Variants in ROBO2 observed in about 807,000 individuals in gnomAD.
The protein encoded by ROBO2 is roundabout homolog 2.
Under a neutral mutation model 160.8 loss-of-function variants are expected in ROBO2, and 53 were observed. The observed-to-expected ratio is 0.33, with a 90% CI of 0.26 to 0.41. The LOEUF is 0.41. Among genes scored for constraint, ROBO2 ranks in the 10% least tolerant of loss-of-function variants. ROBO2 has a pLI of 1.00. For synonymous variants in ROBO2, 664 were observed against 611.7 expected (o/e 1.09, Z -1.26); for missense variants, 1,577 against 1,722.4 (o/e 0.92, Z 1.49).
At chr3:77,648,218 TA>T (rs2095425612) in exon 26 of ROBO2, 2 of 152,194 alleles carry the variant, frequency 1.3e-5, no homozygotes, top group Admixed American at 1.3e-4. Flanking sequence ...GTTCCCTGCC[TA>T]ACCTCTTTCT....
At chr3:77,626,099 T>C (rs745617960) in intron 23 of ROBO2, among the ~76,000 whole-genome samples, 3 of 152,156 alleles carry the variant, frequency 2.0e-5, no homozygotes, top group South Asian at 2.1e-4. Context: ...ATCTGAGGAA[T>C]AGGTATATTT....
intron 1 of ROBO2, among the ~76,000 whole-genome samples, chr3:77,058,301 C>T (rs186984311): frequency 1.3e-5 from 2 of 152,110 alleles, no homozygotes; most frequent in African/African-American, 4.8e-5. Context: ...TGTTTAGTTA[C>T]CTGGAAAGTT....
intron 2 of ROBO2, among the ~76,000 whole-genome samples, chr3:76,188,473 A>T (rs1701863143): frequency 6.6e-6 from 1 of 152,068 alleles, no homozygotes; most frequent in Admixed American, 6.6e-5. Context: ...CTCAAGCAAG[A>T]TGAGACTAAA....
At chr3:76,749,473 G>T (rs1576402098) in intron 2 of ROBO2, among the ~76,000 whole-genome samples, 2 of 152,004 alleles carry the variant, frequency 1.3e-5, no homozygotes, top group Middle Eastern at 6.8e-3. Context: ...TGCTGTTCCT[G>T]TTCTCAGCTG....
intron 2 of ROBO2, among the ~76,000 whole-genome samples, chr3:76,855,794 T>G (rs2069997709): frequency 6.6e-6 from 1 of 152,220 alleles, no homozygotes; most frequent in Non-Finnish European, 1.5e-5. Flanking sequence ...TTCTGCACAT[T>G]ATACCACTGC....
intron 2 of ROBO2, among the ~76,000 whole-genome samples, chr3:76,764,182 T>C (rs2608162): frequency 0.84 from 126,788 of 151,312 alleles, 53,222 homozygotes; most frequent in Admixed American, 0.86. Flanking sequence ...CTTTCTCTGT[T>C]TTGATTACTG....
At chr3:75,972,718 G>C (rs2065030766) in intron 2 of ROBO2, among the ~76,000 whole-genome samples, 1 of 151,574 alleles carries the variant, frequency 6.6e-6, no homozygotes, top group South Asian at 2.1e-4. Context: ...TGGACCCCTA[G>C]ATCTATTGAA....
At chr3:76,835,908 C>T (rs1414303676) in intron 2 of ROBO2, among the ~76,000 whole-genome samples, 2 of 151,898 alleles carry the variant, frequency 1.3e-5, no homozygotes, top group Non-Finnish European at 2.9e-5. Context: ...TTTGACACAG[C>T]GTGATTAGAC....
intron 9 of ROBO2, among the ~76,000 whole-genome samples, chr3:77,560,239 A>T (rs1582946684): frequency 6.6e-6 from 1 of 152,248 alleles, no homozygotes; most frequent in Non-Finnish European, 1.5e-5. Flanking sequence ...AGCCAAGTGC[A>T]CAAGGAGAAA....
chr3:76,305,580 A>G (rs925260680), intron 2 of ROBO2, among the ~76,000 whole-genome samples: 2 of 151,372 alleles, frequency 1.3e-5, no homozygotes, highest in African/African-American at 4.9e-5. Flanking sequence ...CCACCATGGT[A>G]AAACCCCATC....
intron 2 of ROBO2, among the ~76,000 whole-genome samples, chr3:76,380,535 T>C (rs1576799313): frequency 1.3e-5 from 2 of 152,238 alleles, no homozygotes; most frequent in East Asian, 3.9e-4. Flanking sequence ...ACCTCCTCCT[T>C]TTTCGCCTCC....
intron 2 of ROBO2, among the ~76,000 whole-genome samples, chr3:76,696,407 T>A (rs1382953074): frequency 1.3e-5 from 2 of 151,658 alleles, no homozygotes; most frequent in Non-Finnish European, 2.9e-5. Flanking sequence ...GTTGCAAGAT[T>A]TAATAGCGTG....
chr3:76,199,274 G>A (rs1332421043), intron 2 of ROBO2, among the ~76,000 whole-genome samples: 2 of 152,052 alleles, frequency 1.3e-5, no homozygotes, highest in African/African-American at 2.4e-5. Context: ...ATGTAGGAAG[G>A]AGTCAAACCC....
chr3:77,644,637 A>G (rs1405069172), intron 24 of ROBO2, 67 bp from the exon 27 acceptor site: 2 of 1,373,422 alleles, frequency 1.5e-6, no homozygotes, highest in Non-Finnish European at 2.1e-6. Context: ...GTTATATTCA[A>G]GAGTTAAGTT....
intron 2 of ROBO2, among the ~76,000 whole-genome samples, chr3:76,463,877 G>A (rs1181906857): frequency 6.6e-6 from 1 of 152,168 alleles, no homozygotes; most frequent in Non-Finnish European, 1.5e-5. Context: ...AACCCCTCAA[G>A]TAAGGGCCTG....
chr3:76,478,869 A>G (rs1443399759), intron 2 of ROBO2, among the ~76,000 whole-genome samples: 1 of 151,866 alleles, frequency 6.6e-6, no homozygotes, highest in African/African-American at 2.4e-5. Context: ...GGGTCTCCCT[A>G]TGTTGCCCAA....
intron 2 of ROBO2, among the ~76,000 whole-genome samples, chr3:77,254,991 C>A (rs1191394775): frequency 1.3e-5 from 2 of 152,088 alleles, no homozygotes; most frequent in Admixed American, 6.5e-5. Context: ...GAAACGTATT[C>A]CGAAATGTAA....
chr3:77,634,615 G>A, intron 23 of ROBO2: 1 of 480,568 alleles, frequency 2.1e-6, no homozygotes, highest in East Asian at 3.8e-5. Context: ...GTGGATTGGT[G>A]GATCTGTTTT....
At chr3:76,294,569 G>A (rs1053912789) in intron 2 of ROBO2, among the ~76,000 whole-genome samples, 5 of 152,050 alleles carry the variant, frequency 3.3e-5, no homozygotes, top group Non-Finnish European at 5.9e-5. Flanking sequence ...CTTTTCTTTT[G>A]TATCCTAGAG....
Sources: allele counts gnomAD v4.1 joint callset (sites outside exome capture counted in the v4.1 genomes callset), GRCh38; gene constraint gnomAD v4.1.1; transcripts MANE v1.5; gene names NCBI Gene and HGNC (gene_info 2026-07-23, HGNC 2026-07-21).